The following PHF24 variants were observed in gnomAD, a reference collection of about 807,000 sequenced individuals.
The protein encoded by PHF24 is Galpha inhibitory interacting protein.
In PHF24, 25 loss-of-function variants were observed where a neutral mutation model predicts 42.6. That is an observed-to-expected ratio of 0.59 (90% CI 0.43 to 0.82). PHF24 has a LOEUF of 0.82. PHF24 is among the 40% of genes least tolerant of loss of function. PHF24 has a pLI of 0.00. For synonymous variants in PHF24, 185 were observed against 204.8 expected (o/e 0.90, Z 0.83); for missense variants, 470 against 538.1 (o/e 0.87, Z 1.25).
At chr9:34,918,080 A>G in the PHF24 span, 1 of 1,506,616 alleles carries the variant, frequency 6.6e-7, no homozygotes, top group Non-Finnish European at 9.2e-7. Context: ...ACCTAACTGG[A>G]TTCCATGAAA....
At chr9:34,698,321 A>G in the PHF24 span, among the ~76,000 whole-genome samples, 1 of 152,100 alleles carries the variant, frequency 6.6e-6, no homozygotes, top group Non-Finnish European at 1.5e-5. Flanking sequence ...TTTCCAGGCT[A>G]TGGAGATGGG....
the PHF24 span, among the ~76,000 whole-genome samples, chr9:34,737,650 T>C: frequency 1.3e-5 from 2 of 152,216 alleles, no homozygotes; most frequent in Admixed American, 1.3e-4. Context: ...TTTTACATTT[T>C]CACCAACAAT....
chr9:34,853,372 T>G, the PHF24 span, among the ~76,000 whole-genome samples: 1 of 152,214 alleles, frequency 6.6e-6, no homozygotes, highest in African/African-American at 2.4e-5. Context: ...GCCAGTATCT[T>G]ATTAAGGATT....
At chr9:34,822,143 T>C in the PHF24 span, among the ~76,000 whole-genome samples, 1 of 152,206 alleles carries the variant, frequency 6.6e-6, no homozygotes, top group East Asian at 1.9e-4. Context: ...ATTTTTCATT[T>C]AATTATTTTT....
chr9:34,675,572 T>C, the PHF24 span, among the ~76,000 whole-genome samples: 3 of 152,202 alleles, frequency 2.0e-5, no homozygotes, highest in Admixed American at 2.0e-4. Flanking sequence ...ACAGAACTTC[T>C]GGAGGTGATG....
the PHF24 span, among the ~76,000 whole-genome samples, chr9:34,773,326 G>A: frequency 6.6e-6 from 1 of 152,000 alleles, no homozygotes; most frequent in Admixed American, 6.6e-5. Context: ...CCAATAAAAC[G>A]AAGCAGGGCT....
At chr9:34,819,760 G>T in the PHF24 span, among the ~76,000 whole-genome samples, 1 of 152,160 alleles carries the variant, frequency 6.6e-6, no homozygotes, top group Non-Finnish European at 1.5e-5. Flanking sequence ...TTTTTGAAAA[G>T]AATGTGTACT....
the PHF24 span, among the ~76,000 whole-genome samples, chr9:34,783,913 C>T: frequency 6.6e-6 from 1 of 152,146 alleles, no homozygotes; most frequent in Non-Finnish European, 1.5e-5. Context: ...TTTTAGGTAT[C>T]ATTAAAACTT....
At chr9:34,736,473 A>G in the PHF24 span, among the ~76,000 whole-genome samples, 1 of 151,112 alleles carries the variant, frequency 6.6e-6, no homozygotes, top group African/African-American at 2.5e-5. Context: ...CACCCAGTTA[A>G]TTTTTTATTT....
chr9:34,773,634 C>G, the PHF24 span, among the ~76,000 whole-genome samples: 3 of 151,992 alleles, frequency 2.0e-5, no homozygotes, highest in Non-Finnish European at 2.9e-5. Flanking sequence ...AATAAGTAAA[C>G]GGGAGAGAAG....
the PHF24 span, among the ~76,000 whole-genome samples, chr9:34,847,210 T>C: frequency 2.0e-5 from 3 of 152,256 alleles, no homozygotes; most frequent in East Asian, 1.9e-4. Context: ...ATTTTCATGA[T>C]ATTGATTCTT....
At chr9:34,918,597 GA>G in the PHF24 span, among the ~76,000 whole-genome samples, 1 of 152,102 alleles carries the variant, frequency 6.6e-6, no homozygotes, top group South Asian at 2.1e-4. Context: ...GACAGAGGAA[GA>G]AAAATTCTTA....
chr9:34,835,552 G>A, the PHF24 span: 3 of 1,551,718 alleles, frequency 1.9e-6, no homozygotes, highest in Non-Finnish European at 2.6e-6. Flanking sequence ...AGTGATGCTG[G>A]CCTTGGTTTC....
chr9:34,715,822 T>C, the PHF24 span, among the ~76,000 whole-genome samples: 1 of 151,986 alleles, frequency 6.6e-6, no homozygotes, highest in East Asian at 1.9e-4. Context: ...GCACCTGGAG[T>C]AGACATCCTA....
the PHF24 span, among the ~76,000 whole-genome samples, chr9:34,735,285 G>A: frequency 2.6e-5 from 4 of 151,070 alleles, no homozygotes; most frequent in South Asian, 2.1e-4. Flanking sequence ...ACAGGCGCCC[G>A]CCACTATGCC....
At chr9:34,899,314 TATA>T in the PHF24 span, among the ~76,000 whole-genome samples, 4 of 152,120 alleles carry the variant, frequency 2.6e-5, no homozygotes, top group African/African-American at 9.7e-5. Flanking sequence ...CTGCTTTCAT[TATA>T]ATGCTGCAGA....
chr9:34,777,089 G>C, the PHF24 span, among the ~76,000 whole-genome samples: 1 of 152,260 alleles, frequency 6.6e-6, no homozygotes, highest in South Asian at 2.1e-4. Context: ...GCAGTCTTTG[G>C]GCCCCATTGG....
chr9:34,931,423 G>A, the PHF24 span, among the ~76,000 whole-genome samples: 1 of 150,554 alleles, frequency 6.6e-6, no homozygotes, highest in Admixed American at 6.6e-5. Flanking sequence ...GAGGATGCAG[G>A]GGGAAGGGTG....
At chr9:34,900,190 G>A in the PHF24 span, among the ~76,000 whole-genome samples, 1 of 152,036 alleles carries the variant, frequency 6.6e-6, no homozygotes, top group East Asian at 1.9e-4. Context: ...CAAGGCCAGG[G>A]TCCTTCATGT....
Sources: gnomAD v4.1 joint callset for allele counts (sites outside exome capture counted in the v4.1 genomes callset) on GRCh38, gnomAD v4.1.1 for gene constraint, MANE v1.5 for transcripts, NCBI Gene and HGNC (gene_info 2026-07-23, HGNC 2026-07-21) for gene names.